Variants in MRS2 observed in about 807,000 individuals in gnomAD.
MRS2 encodes the protein magnesium transporter MRS2 homolog, mitochondrial.
Under a neutral mutation model 52.6 loss-of-function variants are expected in MRS2, and 40 were observed. The observed-to-expected ratio is 0.76, with a 90% confidence interval of 0.59 to 0.99. MRS2 has a LOEUF of 0.99. Ranked by LOEUF, MRS2 falls within the 50% of genes least tolerant of loss-of-function variation. The pLI, the probability that MRS2 is intolerant of heterozygous loss-of-function variation, is 0.00. For synonymous variants in MRS2, 193 were observed against 195.9 expected (o/e 0.98, Z 0.13); for missense variants, 472 against 532.7 (o/e 0.89, Z 1.12).
chr6:24,419,414 AAC>A (rs1165863494), intron 9 of MRS2, among the ~76,000 whole-genome samples: 1 of 152,204 alleles, frequency 6.6e-6, no homozygotes, highest in African/African-American at 2.4e-5. Context: ...GGTGTGATAA[AAC>A]AGTGTCTCTG....
intron 6 of MRS2, 127 bp from the exon 7 acceptor site, chr6:24,416,270 T>TTTA: frequency 2.1e-6 from 1 of 476,320 alleles, no homozygotes. Context: ...TTTTTTTTTT[T>TTTA]AAATAAGTCA....
At chr6:24,411,202 AG>A (rs1169622379) in intron 4 of MRS2, among the ~76,000 whole-genome samples, 267 of 150,706 alleles carry the variant, frequency 1.8e-3, no homozygotes, top group African/African-American at 5.9e-3. Context: ...AAAAAAAAAA[AG>A]AAAAAAAAAT....
chr6:24,404,663 T>TA (rs1761402466), intron 1 of MRS2, among the ~76,000 whole-genome samples: 1 of 152,214 alleles, frequency 6.6e-6, no homozygotes, highest in African/African-American at 2.4e-5. Flanking sequence ...AAGTATTCAC[T>TA]ATAAAGGATA....
At position 24,403,175 on chromosome 6, in the gene MRS2, C is replaced by G. The variant is rs1444587441; in HGVS notation, c.129C>G (p.Ala43=). 6.2e-7 allele frequency: 1 copy of G among 1,607,700 alleles called. No homozygotes were observed. Among genetic ancestry groups the G allele is most frequent in the Admixed American group, 1.7e-5 (1 of 59,982 alleles). Residue 43 remains alanine, a synonymous_variant, in exon 1 of 11, where the codon GCC becomes GCG. Coordinates refer to ENST00000378386, the MANE Select transcript of MRS2 (RefSeq NM_020662.4). The part of the protein sequence containing the change: ...GPPVAACGRR[A]NLIGRSRAAQ... ...CCGTTGCTGCCTGCGGCCGCCGAGC[C>G]AACCTGATTGGAAGGAGCCGAGCGG...
At chr6:24,411,078 T>C (rs1227800816) in intron 4 of MRS2, among the ~76,000 whole-genome samples, 2 of 151,710 alleles carry the variant, frequency 1.3e-5, no homozygotes, top group African/African-American at 2.4e-5. Context: ...TAATTCCAGC[T>C]ACTCAGGAGG....
chr6:24,410,942 A>G, intron 4 of MRS2: 1 of 483,264 alleles, frequency 2.1e-6, no homozygotes, highest in East Asian at 3.7e-5. Flanking sequence ...TAATCCCAGC[A>G]CTTTGGGAGG....
chr6:24,403,497 G>A (rs1761359159), intron 1 of MRS2, among the ~76,000 whole-genome samples: 1 of 152,368 alleles, frequency 6.6e-6, no homozygotes, highest in Non-Finnish European at 1.5e-5. Flanking sequence ...CCTTGCTGCA[G>A]ATTATGTAAC....
intron 2 of MRS2, among the ~76,000 whole-genome samples, chr6:24,406,977 T>A (rs79979345): frequency 0.12 from 18,294 of 152,086 alleles, 1,459 homozygotes; most frequent in East Asian, 0.16. Context: ...ATTTAAAAAA[T>A]TTTTTTAAGT....
chr6:24,423,211 C>T (rs1024192306), intron 10 of MRS2, 161 bp downstream of exon 10: 3 of 596,022 alleles, frequency 5.0e-6, no homozygotes, highest in East Asian at 2.8e-5. Context: ...GTCGGTATTA[C>T]CTGCTTCATA....
At chr6:24,415,277 T>G in intron 6 of MRS2, 114 bp downstream of exon 6, 1 of 1,122,760 alleles carries the variant, frequency 8.9e-7, no homozygotes, top group Non-Finnish European at 1.2e-6. Context: ...AGGTGGGAAG[T>G]TGAGCTAAAA....
Position 24,412,288 on chromosome 6 carries a change from C to G in MRS2, c.481C>G (p.Gln161Glu). The G allele has an allele frequency of 6.2e-7, 1 of 1,604,048 alleles. No individual in the cohort carries two copies. The highest frequency in any genetic ancestry group is 1.3e-5 in the African/African-American group (1 of 74,416). Residue 161 changes from glutamine to glutamate, a missense_variant, in exon 5 of 11, where the codon CAA (glutamine) becomes GAA (glutamate). Physicochemically the swap from Gln to Glu is conservative, Grantham distance 29. Transcript: ENST00000378386. ...ILDYRNLNLE[Q>E]WLFRELPSQL... ...AGATTATCGTAATTTAAACTTAGAG[C>G]AATGGCTGTTCCGGGAACTCCCTTC...
At position 24,425,922 on chromosome 6, in the gene MRS2, T is replaced by G. The variant is rs1340854801; in HGVS notation, c.*2228T>G. The G allele has an allele frequency of 6.6e-6, 1 of 152,220 alleles. No homozygotes were observed. Among genetic ancestry groups the G allele is most frequent in the Non-Finnish European group, 1.5e-5 (1 of 68,044 alleles). The allele number at this position is 152,220 out of a possible 1,614,324, so 9.4% of individuals were successfully genotyped here. A position where few individuals can be genotyped will look rare whatever the true frequency, so the allele number is the denominator to read the frequency against. ...GGAATTGCAATATTAAAGTTGCACGTTGGATTTAACTCTCATGACTTTAGT... is the reference window on the plus strand; with the variant it reads ...GGAATTGCAATATTAAAGTTGCACGGTGGATTTAACTCTCATGACTTTAGT... On this transcript the variant is annotated 3_prime_UTR_variant, in exon 11 of 11. Transcript: ENST00000378386.
intron 5 of MRS2, among the ~76,000 whole-genome samples, chr6:24,413,680 G>A (rs1232322961): frequency 6.7e-6 from 1 of 149,028 alleles, no homozygotes; most frequent in Non-Finnish European, 1.5e-5. Flanking sequence ...AGTTCCTCTG[G>A]AGACGAAATA....
rs752363742 is a variant in MRS2 at position 24,403,007 on chromosome 6, G to A, written c.-40G>A. The A allele has an allele frequency of 6.5e-7, 1 of 1,538,340 alleles. No individual in the cohort carries two copies. Among genetic ancestry groups the A allele is most frequent in the Admixed American group, 1.9e-5 (1 of 51,878 alleles). ...TGAGCAGCCAGCGTCCGGCATGAAG[G>A]TCTGGGGTCTGGCTGCTGCCTGCTT... On this transcript the variant is annotated 5_prime_UTR_variant, in exon 1 of 11. Coordinates refer to ENST00000378386, the MANE Select transcript of MRS2 (RefSeq NM_020662.4).
At chr6:24,418,781 C>T in intron 9 of MRS2, 2 of 404,520 alleles carry the variant, frequency 4.9e-6, no homozygotes, top group Non-Finnish European at 9.2e-6. Flanking sequence ...CACCTGTAAT[C>T]CCAGCTACTT....
intron 9 of MRS2, among the ~76,000 whole-genome samples, chr6:24,420,473 TCA>T (rs1762007713): frequency 6.6e-6 from 1 of 152,358 alleles, no homozygotes; most frequent in East Asian, 1.9e-4. Context: ...TTCATTCATC[TCA>T]CAAATACGTT....
chr6:24,413,978 T>G (rs1459648003), intron 5 of MRS2, among the ~76,000 whole-genome samples: 1 of 152,252 alleles, frequency 6.6e-6, no homozygotes, highest in Non-Finnish European at 1.5e-5. Context: ...TATGTTTATG[T>G]TTTAAAGCTC....
chr6:24,403,488 C>T (rs1189217147), intron 1 of MRS2, among the ~76,000 whole-genome samples: 1 of 152,260 alleles, frequency 6.6e-6, no homozygotes, highest in East Asian at 1.9e-4. Context: ...CTCCACCGCC[C>T]TTGCTGCAGA....
chr6:24,415,488 C>T (rs560028877), intron 6 of MRS2, among the ~76,000 whole-genome samples: 1 of 152,080 alleles, frequency 6.6e-6, no homozygotes, highest in Non-Finnish European at 1.5e-5. Context: ...AATTCAAAGT[C>T]CATGTTGTTC....
Sources: gnomAD v4.1 joint callset for allele counts (sites outside exome capture counted in the v4.1 genomes callset) on GRCh38, gnomAD v4.1.1 for gene constraint, MANE v1.5 for transcripts, NCBI Gene and HGNC (gene_info 2026-07-23, HGNC 2026-07-21) for gene names.